The following DGAT2 variants were observed in gnomAD, a reference collection of about 807,000 sequenced individuals.
The protein encoded by DGAT2 is acyl-CoA retinol O-fatty-acyltransferase.
In DGAT2, 33 loss-of-function variants were observed where a neutral mutation model predicts 48.4. The ratio of observed to expected loss-of-function variants is 0.68; its 90% CI spans 0.52 to 0.91. The LOEUF is 0.91. DGAT2 is among the 40% of genes least tolerant of loss of function. DGAT2 has a pLI of 0.00. For missense variants in DGAT2, 446 were observed against 493.7 expected, an observed-to-expected ratio of 0.90 and a Z score of 0.92; for synonymous variants, 191 against 194.1, an observed-to-expected ratio of 0.98 and a Z score of 0.13.
chr11:75,798,576 A>G (rs984013175), intron 7 of DGAT2, 147 bp downstream of exon 7: 33 of 908,330 alleles, frequency 3.6e-5, no homozygotes, highest in Non-Finnish European at 5.3e-5. Flanking sequence ...TTGGGTGCTG[A>G]TATTGGTCAG....
In DGAT2 at chr11:75,797,317, T is replaced by A; in HGVS notation, c.794T>A (p.Leu265Gln). 1.3e-6 allele frequency: 2 copies of A among 1,512,956 alleles called. No individual in the cohort carries two copies. The highest frequency in any genetic ancestry group is 1.8e-6 in the Non-Finnish European group (2 of 1,127,072). The allele number at this position is 1,512,956 out of a possible 1,614,324, so 93.7% of individuals were successfully genotyped here. A position where few individuals can be genotyped will look rare whatever the true frequency, so the allele number is the denominator to read the frequency against. ...CGGAACCGCAAGGGCTTTGTGAAAC[T>A]GGCCCTGCGTCATGGGTGAGTGCCT... ...TLRNRKGFVK[L>Q]ALRHGADLVP... Residue 265 changes from leucine (L) to glutamine (Q), a missense_variant, in exon 6 of 8, where the codon CTG (leucine) becomes CAG (glutamine). Leu to Gln is a moderately radical substitution (Grantham distance 113). Transcript: ENST00000228027.
chr11:75,768,944 C>T lies in DGAT2; in HGVS notation c.-48C>T, dbSNP rs1324919954. 14 of 1,424,988 alleles carry T rather than the reference C, an allele frequency of 9.8e-6. No individual in the cohort carries two copies. Among genetic ancestry groups the T allele is most frequent in the Non-Finnish European group, 1.3e-5 (14 of 1,092,136 alleles). 88.3% of individuals were successfully genotyped at this position (1,424,988 alleles called of 1,614,324 possible). On this transcript the variant is annotated 5_prime_UTR_variant, in exon 1 of 8. Transcript: ENST00000228027. ...GGGGCCGGGGCATGGGCCAGGGGCG[C>T]GGGGTGAAGCGGCTTCCCGCGGGGC...
At chr11:75,771,604 G>A (rs986207779) in intron 1 of DGAT2, among the ~76,000 whole-genome samples, 9 of 152,148 alleles carry the variant, frequency 5.9e-5, no homozygotes, top group Non-Finnish European at 1.2e-4. Flanking sequence ...GGATCTGCTT[G>A]AAACTAAGTG....
At chr11:75,773,228 G>A (rs1431568033) in intron 1 of DGAT2, among the ~76,000 whole-genome samples, 4 of 152,174 alleles carry the variant, frequency 2.6e-5, no homozygotes, top group Non-Finnish European at 5.9e-5. Context: ...CTCTGTCCCT[G>A]TAACCACCTG....
chr11:75,775,226 C>T (rs1944792989), intron 1 of DGAT2, among the ~76,000 whole-genome samples: 6 of 152,162 alleles, frequency 3.9e-5, no homozygotes, highest in Admixed American at 3.3e-4. Context: ...ATGGGGAAAC[C>T]TAGAGAGGGG....
chr11:75,779,608 G>A (rs1382846902), intron 1 of DGAT2, among the ~76,000 whole-genome samples: 1 of 152,180 alleles, frequency 6.6e-6, no homozygotes. Context: ...CTCTCTGGCA[G>A]CTCTACTCCC....
At chr11:75,785,348 T>A (rs183537824) in intron 2 of DGAT2, among the ~76,000 whole-genome samples, 8 of 152,344 alleles carry the variant, frequency 5.3e-5, no homozygotes, top group Admixed American at 4.6e-4. Flanking sequence ...TACATGGGAA[T>A]CATCGGGAGG....
At chr11:75,796,594 G>A (rs779389580) in intron 5 of DGAT2, 62 bp downstream of exon 5, 30 of 1,539,360 alleles carry the variant, frequency 1.9e-5, no homozygotes, top group Non-Finnish European at 2.3e-5. Flanking sequence ...CCTCTCCATC[G>A]GGCAGGGTGA....
intron 1 of DGAT2, chr11:75,776,281 C>T (rs10899120): frequency 0.11 from 16,452 of 152,220 alleles, 959 homozygotes; most frequent in East Asian, 0.22. Flanking sequence ...AAACATCGAT[C>T]GAGCACCTTC....
intron 1 of DGAT2, among the ~76,000 whole-genome samples, chr11:75,778,644 C>A (rs1294547430): frequency 2.6e-5 from 4 of 151,968 alleles, no homozygotes; most frequent in Admixed American, 1.3e-4. Context: ...ACCATCCTGG[C>A]TAACATGGTG....
At chr11:75,786,970 T>G (rs745841760) in intron 2 of DGAT2, among the ~76,000 whole-genome samples, 2 of 152,224 alleles carry the variant, frequency 1.3e-5, no homozygotes, top group Non-Finnish European at 2.9e-5. Context: ...TGATTAGACA[T>G]GTAGTAACAG....
intron 1 of DGAT2, among the ~76,000 whole-genome samples, chr11:75,779,506 A>G (rs1243679563): frequency 1.3e-5 from 2 of 152,012 alleles, no homozygotes; most frequent in South Asian, 2.1e-4. Context: ...CCCCTTGCCT[A>G]CCTTCCCAGA....
Position 75,798,401 on chromosome 11 carries a change from G to T in DGAT2, c.984G>T (p.Val328=). The change falls in exon 7 of 8, where the codon GTG becomes GTT. Residue 328 remains valine (V), a synonymous_variant. Coordinates refer to ENST00000228027, the MANE Select transcript of DGAT2 (RefSeq NM_032564.5). ...GLFSSDTWGL[V]PYSKPITTVV... is the part of the protein sequence containing the mutation. ...TCTCCTCCGACACCTGGGGGCTGGT[G>T]CCCTACTCCAAGCCCATCACCACTG... 1 of 1,613,558 alleles carries T rather than the reference G, an allele frequency of 6.2e-7. No individual in the cohort carries two copies. Among genetic ancestry groups the T allele is most frequent in the Non-Finnish European group, 8.5e-7 (1 of 1,180,034 alleles).
At chr11:75,797,097 G>C (rs943132171) in intron 5 of DGAT2, 61 bp from the exon 6 acceptor site, 54 of 1,417,062 alleles carry the variant, frequency 3.8e-5, no homozygotes, top group Non-Finnish European at 4.8e-5. Flanking sequence ...CTGACTGTGT[G>C]CCGGGGATGG....
At chr11:75,777,551 A>G (rs1944814393) in intron 1 of DGAT2, among the ~76,000 whole-genome samples, 1 of 152,184 alleles carries the variant, frequency 6.6e-6, no homozygotes, top group Non-Finnish European at 1.5e-5. Context: ...CTGGTGAGGT[A>G]GGTATTAGCC....
intron 1 of DGAT2, among the ~76,000 whole-genome samples, chr11:75,783,522 G>A (rs1310132446): frequency 6.6e-6 from 1 of 152,188 alleles, no homozygotes; most frequent in Non-Finnish European, 1.5e-5. Context: ...AGACCCTCAA[G>A]GACAAGATTG....
intron 1 of DGAT2, among the ~76,000 whole-genome samples, chr11:75,783,355 GT>G (rs1462230829): frequency 1.3e-5 from 2 of 152,222 alleles, no homozygotes; most frequent in Non-Finnish European, 2.9e-5. Context: ...AGTCAAAGCA[GT>G]TGTTAACTTT....
chr11:75,783,814 A>AG (rs1326286691), intron 1 of DGAT2, among the ~76,000 whole-genome samples: 1 of 152,038 alleles, frequency 6.6e-6, no homozygotes, highest in East Asian at 1.9e-4. Context: ...GTGTCATCCT[A>AG]GGGGCACCAA....
Position 75,768,997 on chromosome 11 carries a change from G to A in DGAT2, c.6G>A (p.Lys2=), listed in dbSNP as rs767586559. Residue 2 remains lysine (K), a synonymous_variant, in exon 1 of 8, where the codon AAG becomes AAA. Transcript: ENST00000228027. M[K]TLIAAYSGVL... Reference sequence around the variant, plus strand: ...TGACTGGGCGGGCTTCAGCCATGAAGACCCTCATAGCCGCCTACTCCGGGG... The same window carrying A: ...TGACTGGGCGGGCTTCAGCCATGAAAACCCTCATAGCCGCCTACTCCGGGG... 1.4e-5 allele frequency: 21 copies of A among 1,551,962 alleles called. No individual in the cohort carries two copies. The African/African-American group carries it at 1.8e-4, about 14-fold the overall frequency.
Sources: gnomAD v4.1 joint callset for allele counts (sites outside exome capture counted in the v4.1 genomes callset) on GRCh38, gnomAD v4.1.1 for gene constraint, MANE v1.5 for transcripts, NCBI Gene and HGNC (gene_info 2026-07-23, HGNC 2026-07-21) for gene names.